SGCB: variants seen among roughly 807,000 people sequenced by gnomAD.
SGCB encodes sarcoglycan beta.
SGCB carries 25 observed loss-of-function variants against 27.3 expected under a neutral mutation model. The ratio of observed to expected loss-of-function variants is 0.92; its 90% CI spans 0.67 to 1.28. The LOEUF (loss-of-function observed/expected upper bound fraction) is 1.28. Among genes scored for constraint, SGCB ranks in the 50% most tolerant of loss-of-function variants. The probability of loss-of-function intolerance (pLI) is 0.00; values close to 1 mark genes in which losing one functional copy is unlikely to be tolerated. For synonymous variants in SGCB, 147 were observed against 133.5 expected (o/e 1.10, Z -0.70); for missense variants, 436 against 402.1 (o/e 1.08, Z -0.72).
chr4:52,034,524 A>ATG (rs1188252132), intron 1 of SGCB, among the ~76,000 whole-genome samples: 3 of 151,850 alleles, frequency 2.0e-5, no homozygotes, highest in African/African-American at 7.3e-5. Context: ...ATACAGGAGG[A>ATG]TGTGCAGAGG....
At chr4:52,031,782 T>C in intron 2 of SGCB, 1 of 391,722 alleles carries the variant, frequency 2.6e-6, no homozygotes, top group Non-Finnish European at 5.1e-6. Context: ...TCATACTTAG[T>C]GATGAATTCA....
In SGCB at chr4:52,022,952, T is replaced by C. The variant is rs1167545921; in HGVS notation, c.*1005A>G. The C allele has an allele frequency of 6.6e-6, 1 of 152,238 alleles. No individual in the cohort carries two copies. Among genetic ancestry groups the C allele is most frequent in the Non-Finnish European group, 1.5e-5 (1 of 68,034 alleles). The allele number at this position is 152,238 out of a possible 1,614,324, so 9.4% of individuals were successfully genotyped here. On this transcript the variant is annotated 3_prime_UTR_variant, in exon 6 of 6. Transcript: ENST00000381431. ...ATTTTCTTTTTAACTAGAGTAAGCATATCTGTTTTGTTTGATTCTCATCTT... is the reference window on the plus strand; with the variant it reads ...ATTTTCTTTTTAACTAGAGTAAGCACATCTGTTTTGTTTGATTCTCATCTT...
Position 52,029,744 on chromosome 4 carries a change from A to T in SGCB, c.363T>A (p.Pro121=), listed in dbSNP as rs150804702. The T allele has an allele frequency of 6.2e-7, 1 of 1,613,830 alleles. No individual in the cohort carries two copies. The highest frequency in any genetic ancestry group is 2.2e-5 in the East Asian group (1 of 44,850). ...KQVSDMGVIH[P]LYKSTVGGRR... ...TTCCTCCTACTGTGCTTTTATAAAGAGGGTGGATCACTCCCATGTCAGATA... is the reference window on the plus strand; with the variant it reads ...TTCCTCCTACTGTGCTTTTATAAAGTGGGTGGATCACTCCCATGTCAGATA... The change falls in exon 3 of 6, where the codon CCT becomes CCA. Residue 121 remains proline, a synonymous_variant. Transcript: ENST00000381431.
chr4:52,031,596 A>G (rs1737250466), intron 2 of SGCB, among the ~76,000 whole-genome samples: 1 of 151,228 alleles, frequency 6.6e-6, no homozygotes, highest in Admixed American at 6.6e-5. Flanking sequence ...TTGATGCAGT[A>G]TATTCTTATT....
chr4:52,037,430 T>C (rs1737424248), intron 1 of SGCB, among the ~76,000 whole-genome samples: 1 of 152,216 alleles, frequency 6.6e-6, no homozygotes, highest in African/African-American at 2.4e-5. Flanking sequence ...AGAATGAGAC[T>C]TTTTAAAGAG....
chr4:52,034,597 T>C (rs1370679499), intron 1 of SGCB, among the ~76,000 whole-genome samples: 1 of 152,052 alleles, frequency 6.6e-6, no homozygotes, highest in East Asian at 1.9e-4. Context: ...TTGGCTATCC[T>C]TTGGGGGTCC....
chr4:52,034,492 A>T (rs920875043), intron 1 of SGCB, among the ~76,000 whole-genome samples: 1 of 151,896 alleles, frequency 6.6e-6, no homozygotes, highest in Admixed American at 6.6e-5. Flanking sequence ...TGTTGTAAGT[A>T]ATCTGCAGAT....
At chr4:52,034,605 T>A (rs1737337963) in intron 1 of SGCB, among the ~76,000 whole-genome samples, 1 of 151,774 alleles carries the variant, frequency 6.6e-6, no homozygotes, top group Non-Finnish European at 1.5e-5. Context: ...CCTTTGGGGG[T>A]CCTGAGACCA....
intron 2 of SGCB, among the ~76,000 whole-genome samples, chr4:52,031,488 AT>A (rs67975991): frequency 7.0e-4 from 91 of 129,394 alleles, no homozygotes; most frequent in African/African-American, 1.8e-3. Context: ...GTTCCTTTTA[AT>A]TTTTTTTTTT....
intron 5 of SGCB, among the ~76,000 whole-genome samples, chr4:52,025,223 T>A (rs948282573): frequency 2.0e-4 from 31 of 151,974 alleles, no homozygotes; most frequent in African/African-American, 7.3e-4. Context: ...ATAAAAAAAA[T>A]GAACAGTAAA....
chr4:52,036,660 G>A (rs1375299124), intron 1 of SGCB, among the ~76,000 whole-genome samples: 1 of 152,188 alleles, frequency 6.6e-6, no homozygotes, highest in African/African-American at 2.4e-5. Flanking sequence ...AGAACTGTCA[G>A]GATCTCGTGA....
intron 2 of SGCB, chr4:52,032,097 T>C (rs1737263415): frequency 5.5e-6 from 2 of 362,922 alleles, no homozygotes; most frequent in Non-Finnish European, 1.1e-5. Context: ...GTCCAGTGTG[T>C]CCAGAGACAC....
At chr4:52,037,222 C>A (rs1409092911) in intron 1 of SGCB, among the ~76,000 whole-genome samples, 1 of 152,178 alleles carries the variant, frequency 6.6e-6, no homozygotes, top group Admixed American at 6.5e-5. Flanking sequence ...AATCTGCAGC[C>A]TGCCTATTGT....
chr4:52,022,247 T>C lies in SGCB; in HGVS notation c.*1710A>G, dbSNP rs1157324383. 2 of 152,252 alleles carry C rather than the reference T, an allele frequency of 1.3e-5. No individual in the cohort carries two copies. Among genetic ancestry groups the C allele is most frequent in the Non-Finnish European group, 2.9e-5 (2 of 68,046 alleles). 9.4% of individuals were successfully genotyped at this position (152,252 alleles called of 1,614,324 possible). On this transcript the variant is annotated 3_prime_UTR_variant, in exon 6 of 6. Transcript: ENST00000381431. ...ATTTCAGTATAAATTAATGACTTCA[T>C]AATCTCTAAGGTATTTGATTTTTCT...
At position 52,028,041 on chromosome 4, in the gene SGCB, C is replaced by G. The variant is rs762079028; in HGVS notation, c.680G>C (p.Arg227Pro). The change falls in exon 5 of 6, where the codon CGT becomes CCT. Residue 227 changes from arginine (R) to proline (P), a missense_variant. By Grantham distance (103) the Arg-to-Pro change is moderately radical. Coordinates refer to ENST00000381431, the MANE Select transcript of SGCB (RefSeq NM_000232.5). ...CATAATGAATACACCTTCATTTCCA[C>G]GCACAATAGCACGCCCATCAACTTT... ...NIKVDGRAIV[R>P]GNEGVFIMGK... The G allele has an allele frequency of 1.2e-6, 2 of 1,612,796 alleles. No individual in the cohort carries two copies. Among genetic ancestry groups the G allele is most frequent in the Admixed American group, 3.3e-5 (2 of 60,020 alleles).
At chr4:52,029,586 C>T (rs1737195812) in intron 3 of SGCB, 92 bp downstream of exon 3, 1 of 773,938 alleles carries the variant, frequency 1.3e-6, no homozygotes, top group Non-Finnish European at 2.3e-6. Context: ...GGGAAAATAT[C>T]TCTTTCCAAT....
rs1314907452 is a variant in SGCB, at chr4:52,023,132, T to C, written c.*825A>G. The C allele has an allele frequency of 6.6e-6, 1 of 152,184 alleles. No individual in the cohort carries two copies. Among genetic ancestry groups the C allele is most frequent in the African/African-American group, 2.4e-5 (1 of 41,452 alleles). 9.4% of individuals were successfully genotyped at this position (152,184 alleles called of 1,614,324 possible). A position where few individuals can be genotyped will look rare whatever the true frequency, so the allele number is the denominator to read the frequency against. On this transcript the variant is annotated 3_prime_UTR_variant, in exon 6 of 6. Transcript: ENST00000381431. Reference sequence around the variant, plus strand: ...CCAATCCCAACTCTGCTACTTACTATATGATGTTGAGCAAGTTTCTTAACT... The same window carrying C: ...CCAATCCCAACTCTGCTACTTACTACATGATGTTGAGCAAGTTTCTTAACT...
chr4:52,027,827 A>T, intron 5 of SGCB, 141 bp downstream of exon 5: 2 of 751,200 alleles, frequency 2.7e-6, no homozygotes, highest in Non-Finnish European at 4.4e-6. Flanking sequence ...ACTTTCTTTT[A>T]CTTCACAACC....
chr4:52,027,292 T>G (rs1024682921), intron 5 of SGCB, among the ~76,000 whole-genome samples: 1 of 152,132 alleles, frequency 6.6e-6, no homozygotes, highest in Non-Finnish European at 1.5e-5. Context: ...TTTGGACTTA[T>G]GGCACATGAA....
Sources: allele counts gnomAD v4.1 joint callset (sites outside exome capture counted in the v4.1 genomes callset), GRCh38; gene constraint gnomAD v4.1.1; transcripts MANE v1.5; gene names NCBI Gene and HGNC (gene_info 2026-07-23, HGNC 2026-07-21).